The following EZH2 variants were observed in gnomAD, a reference collection of about 807,000 sequenced individuals.
EZH2 encodes the protein histone-lysine N-methyltransferase EZH2.
EZH2 carries 18 observed loss-of-function variants against 98.4 expected under a neutral mutation model. The observed-to-expected ratio is 0.18, with a 90% CI of 0.13 to 0.27. The LOEUF (loss-of-function observed/expected upper bound fraction) is 0.27. Ranked by LOEUF, EZH2 falls within the 10% of genes least tolerant of loss-of-function variation. The pLI is 1.00. For missense variants in EZH2, 470 were observed against 935.1 expected (o/e 0.50, Z 6.49); for synonymous variants, 338 against 312.3 (o/e 1.08, Z -0.87).
intron 1 of EZH2, among the ~76,000 whole-genome samples, chr7:148,870,806 G>GT (rs1481976998): frequency 2.6e-5 from 4 of 151,868 alleles, no homozygotes; most frequent in African/African-American, 9.7e-5. Flanking sequence ...GTGCATACCT[G>GT]TAATACCAAC....
In EZH2 at chr7:148,838,396, G is replaced by A. The variant is rs753032896; in HGVS notation, c.247-5646C>T. On this transcript the variant is annotated intron_variant, in intron 3 of 19. Coordinates refer to ENST00000320356, the MANE Select transcript of EZH2 (RefSeq NM_004456.5). Reference sequence around the variant, plus strand: ...CTACTTAATCCTAGGTTAAAATCCTGAAGGGCTGTTAAGGTAAATCATTCC... The same window carrying A: ...CTACTTAATCCTAGGTTAAAATCCTAAAGGGCTGTTAAGGTAAATCATTCC... Among the ~76,000 whole-genome samples the A allele has an allele frequency of 6.3e-4, 96 of 152,248 alleles. 2 individuals are homozygous for A. Among genetic ancestry groups the A allele is most frequent in the Non-Finnish European group, 4.9e-4 (33 of 68,014 alleles).
chr7:148,832,433 T>C (rs1809644666), intron 4 of EZH2, among the ~76,000 whole-genome samples: 1 of 152,198 alleles, frequency 6.6e-6, no homozygotes, highest in Admixed American at 6.5e-5. Flanking sequence ...ACTTTTCCTT[T>C]GGAGAGTATA....
In EZH2 at chr7:148,874,331, T is replaced by C. The variant is rs546048097; in HGVS notation, c.-8+9833A>G. Among the ~76,000 whole-genome samples, 12 of 152,102 alleles carry C rather than the reference T, an allele frequency of 7.9e-5. No individual in the cohort carries two copies. In the East Asian group the frequency reaches 2.3e-3, roughly 29 times the overall value. On this transcript the variant is annotated intron_variant, in intron 1 of 19. Transcript: ENST00000320356. ...TCAGCCCAGGAGGTGGAGGTTGCAG[T>C]AAGCCAAGATTGTGCCACTGAAATC... is the stretch of plus-strand genomic sequence containing the variant.
At chr7:148,844,539 TG>T (rs1305691801) in intron 3 of EZH2, among the ~76,000 whole-genome samples, 2 of 152,190 alleles carry the variant, frequency 1.3e-5, no homozygotes, top group Non-Finnish European at 2.9e-5. Flanking sequence ...TTCCTAAGGC[TG>T]GGGATTATTT....
intron 3 of EZH2, among the ~76,000 whole-genome samples, chr7:148,844,119 C>T (rs964128176): frequency 3.3e-5 from 5 of 152,216 alleles, no homozygotes; most frequent in Non-Finnish European, 2.9e-5. Context: ...AAGCCTACCA[C>T]TAGGAAAGTC....
chr7:148,847,129 G>GA (rs912138297), intron 2 of EZH2, 53 bp downstream of exon 2: 37 of 1,556,814 alleles, frequency 2.4e-5, no homozygotes, highest in African/African-American at 1.2e-4. Flanking sequence ...CTTAGGAGGG[G>GA]AAAAAACCTA....
chr7:148,825,177 C>A (rs3807450), intron 8 of EZH2, among the ~76,000 whole-genome samples: 113,939 of 152,120 alleles, frequency 0.75, 43,648 homozygotes, highest in African/African-American at 0.92. Context: ...CATACAATGT[C>A]CAATAGTCTT....
chr7:148,824,777 C>A (rs1015122740), intron 8 of EZH2, among the ~76,000 whole-genome samples: 2 of 152,116 alleles, frequency 1.3e-5, no homozygotes, highest in African/African-American at 4.8e-5. Flanking sequence ...CTCAATAGGA[C>A]TGAATGATGA....
At position 148,862,315 on chromosome 7, in the gene EZH2, G is replaced by A. The variant is rs114189277; in HGVS notation, c.-7-15010C>T. Among the ~76,000 whole-genome samples, 409 of 152,220 alleles carry A rather than the reference G, an allele frequency of 2.7e-3. 2 individuals are homozygous for A. The highest frequency in any genetic ancestry group is 8.3e-3 in the African/African-American group (343 of 41,508). On this transcript the variant is annotated intron_variant, in intron 1 of 19. Coordinates refer to ENST00000320356, the MANE Select transcript of EZH2 (RefSeq NM_004456.5). ...AAAAAGTACTGGTCCACTGAGTTAC[G>A]CAGATTTTCCAGAAGTTGGCATATT... is the stretch of plus-strand genomic sequence containing the variant.
Position 148,860,092 on chromosome 7 carries a change from T to C in EZH2, c.-7-12787A>G, listed in dbSNP as rs148639749. ...TTGACTATTTGGTTTTAACAAAATC[T>C]CATCCTTAAATATGTACAGCTAATT... On this transcript the variant is annotated intron_variant, in intron 1 of 19. Coordinates refer to ENST00000320356, the MANE Select transcript of EZH2 (RefSeq NM_004456.5). Among the ~76,000 whole-genome samples the C allele has an allele frequency of 1.8e-3, 272 of 152,344 alleles. 6 individuals are homozygous for C. The highest frequency in any genetic ancestry group is 0.011 in the Admixed American group (162 of 15,300).
At chr7:148,824,910 T>G (rs1584991467) in intron 8 of EZH2, among the ~76,000 whole-genome samples, 1 of 151,902 alleles carries the variant, frequency 6.6e-6, no homozygotes, top group East Asian at 1.9e-4. Context: ...TAAAGTAAAA[T>G]ATTCCACTGT....
At chr7:148,878,415 A>G (rs1464377169) in intron 1 of EZH2, among the ~76,000 whole-genome samples, 1 of 152,172 alleles carries the variant, frequency 6.6e-6, no homozygotes, top group South Asian at 2.1e-4. Context: ...TAAGCATAAT[A>G]TTCTCCAGCT....
In EZH2 at chr7:148,821,681, C is replaced by A. The variant is rs543447855; in HGVS notation, c.908-1994G>T. 2.0e-5 allele frequency among the ~76,000 whole-genome samples: 3 copies of A among 152,246 alleles called. No individual in the cohort carries two copies. In the South Asian group the frequency reaches 6.2e-4, roughly 32 times the overall value. On this transcript the variant is annotated intron_variant, in intron 8 of 19. Coordinates refer to ENST00000320356, the MANE Select transcript of EZH2 (RefSeq NM_004456.5). ...CTCAAAAAAAGAAAAAGAAAACTAACCAGCAATGGTGGTGCATGCTTGTAG... is the reference window on the plus strand; with the variant it reads ...CTCAAAAAAAGAAAAAGAAAACTAAACAGCAATGGTGGTGCATGCTTGTAG...
rs191466345 is a variant in EZH2, at chr7:148,840,812, G to A, written c.246+5658C>T. ...AAGCTAAATTATGGCAAAAGTCCTCGGTCTAATGCAATTTTCTTGTTTCTT... is the reference window on the plus strand; with the variant it reads ...AAGCTAAATTATGGCAAAAGTCCTCAGTCTAATGCAATTTTCTTGTTTCTT... On this transcript the variant is annotated intron_variant, in intron 3 of 19. Coordinates refer to ENST00000320356, the MANE Select transcript of EZH2 (RefSeq NM_004456.5). Among the ~76,000 whole-genome samples, 14 of 152,128 alleles carry A rather than the reference G, an allele frequency of 9.2e-5. No individual in the cohort carries two copies. The East Asian group carries it at 1.7e-3, about 19-fold the overall frequency.
At chr7:148,877,918 T>C (rs565934774) in intron 1 of EZH2, among the ~76,000 whole-genome samples, 2 of 152,178 alleles carry the variant, frequency 1.3e-5, no homozygotes, top group Non-Finnish European at 2.9e-5. Context: ...GTAGATAATA[T>C]GTAGTGAAAC....
chr7:148,829,899 G>A lies in EZH2; in HGVS notation c.364-51C>T, dbSNP rs1248700571. ...AGCAGGTTTACTCTAAGTATCAAAT[G>A]TGAAATAACTAAAATACAACCTTTT... On this transcript the variant is annotated intron_variant, in intron 4 of 19. Transcript: ENST00000320356. 2.2e-6 allele frequency: 3 copies of A among 1,367,192 alleles called. No individual in the cohort carries two copies. The Admixed American group carries it at 6.8e-5, about 31-fold the overall frequency. The allele number at this position is 1,367,192 out of a possible 1,614,324, so 84.7% of individuals were successfully genotyped here.
chr7:148,838,915 G>A (rs1013161897), intron 3 of EZH2, among the ~76,000 whole-genome samples: 4 of 152,108 alleles, frequency 2.6e-5, no homozygotes, highest in African/African-American at 9.7e-5. Flanking sequence ...AGCCAGGTGT[G>A]GTGGTGCATG....
chr7:148,881,972 G>GCACACACA (rs3059438), intron 1 of EZH2, among the ~76,000 whole-genome samples: 5 of 131,780 alleles, frequency 3.8e-5, no homozygotes, highest in Admixed American at 1.6e-4. Flanking sequence ...ACACGCGCGC[G>GCACACACA]CACACACACA....
At chr7:148,808,000 C>G (rs1389926428) in intron 19 of EZH2, among the ~76,000 whole-genome samples, 1 of 152,162 alleles carries the variant, frequency 6.6e-6, no homozygotes, top group East Asian at 1.9e-4. Context: ...GCCTCTGAAG[C>G]AAGTGGTCCC....
Sources: allele counts gnomAD v4.1 joint callset (sites outside exome capture counted in the v4.1 genomes callset), GRCh38; gene constraint gnomAD v4.1.1; transcripts MANE v1.5; gene names NCBI Gene and HGNC (gene_info 2026-07-23, HGNC 2026-07-21).